The following TNRC6A variants were observed in gnomAD, a reference collection of about 807,000 sequenced individuals.
TNRC6A encodes trinucleotide repeat-containing gene 6A protein.
TNRC6A carries 44 observed loss-of-function variants against 221.2 expected under a neutral mutation model. The observed-to-expected ratio is 0.20, with a 90% CI of 0.16 to 0.26. The LOEUF (loss-of-function observed/expected upper bound fraction) is 0.26. Ranked by LOEUF, TNRC6A falls within the 10% of genes least tolerant of loss-of-function variation. The probability of loss-of-function intolerance (pLI) is 1.00; values close to 1 mark genes in which losing one functional copy is unlikely to be tolerated. For missense variants in TNRC6A, 2,199 were observed against 2,404.4 expected, an observed-to-expected ratio of 0.91 and a Z score of 1.79; for synonymous variants, 847 against 838.5, an observed-to-expected ratio of 1.01 and a Z score of -0.18.
rs190083127 is a variant in TNRC6A, at chr16:24,747,326, A to G, written c.54-3400A>G. 2.5e-3 allele frequency among the ~76,000 whole-genome samples: 377 copies of G among 152,354 alleles called. 2 individuals carry two copies. The highest frequency in any genetic ancestry group is 7.4e-3 in the African/African-American group (308 of 41,582). Reference sequence around the variant, plus strand: ...TTACAGGCCACCTCAAAGCCTTTATACATGAGATGCAGGACATAAGTCAAG... The same window carrying G: ...TTACAGGCCACCTCAAAGCCTTTATGCATGAGATGCAGGACATAAGTCAAG... On this transcript the variant is annotated intron_variant, in intron 2 of 24. Coordinates refer to ENST00000395799, the MANE Select transcript of TNRC6A (RefSeq NM_014494.4).
At chr16:24,788,269 C>T (rs985822581) in intron 5 of TNRC6A, among the ~76,000 whole-genome samples, 6 of 152,148 alleles carry the variant, frequency 3.9e-5, no homozygotes, top group African/African-American at 1.4e-4. Context: ...CTAACCATTA[C>T]TTTTCTGTTC....
chr16:24,679,518 C>G (rs1351963175), intron 2 of TNRC6A, among the ~76,000 whole-genome samples: 2 of 152,000 alleles, frequency 1.3e-5, no homozygotes, highest in Non-Finnish European at 2.9e-5. Context: ...GCTCTGTCGC[C>G]CAGGCTGGAG....
rs761977793 is a variant in TNRC6A at position 24,791,826 on chromosome 16, C to T, written c.3175+9C>T. 12 of 1,505,340 alleles carry T rather than the reference C, an allele frequency of 8.0e-6. No individual in the cohort carries two copies. The highest frequency in any genetic ancestry group is 2.7e-6 in the Non-Finnish European group (3 of 1,131,996). The allele number at this position is 1,505,340 out of a possible 1,614,324, so 93.2% of individuals were successfully genotyped here. ...GGCAAGCAGTGGCTCTGGTAAGTTT[C>T]TATTTTATGAAATCAAGCCTTGTTT... On this transcript the variant is annotated intron_variant, in intron 6 of 24. Transcript: ENST00000395799.
chr16:24,785,841 G>A (rs879541093), intron 5 of TNRC6A, among the ~76,000 whole-genome samples: 2 of 152,200 alleles, frequency 1.3e-5, no homozygotes, highest in African/African-American at 4.8e-5. Context: ...AAATACGTTT[G>A]TAGTAGTCCA....
At position 24,797,964 on chromosome 16, in the gene TNRC6A, G is replaced by A. The variant is rs2058254256; in HGVS notation, c.3692G>A (p.Gly1231Glu). Residue 1231 changes from glycine (G) to glutamate (E), a missense_variant and splice_region_variant, in exon 11 of 25, where the codon GGA (glycine) becomes GAA (glutamate). Coordinates refer to ENST00000395799, the MANE Select transcript of TNRC6A (RefSeq NM_014494.4). Reference protein sequence around the residue: ...NVQSNKMDLSGGMLQDKRMEI... With the variant: ...NVQSNKMDLSEGMLQDKRMEI... ...CAAAGCAATAAGATGGACCTTTCTG[G>A]AGGTAAGAGAAAATTAAATCTGTTT... The A allele has an allele frequency of 1.2e-6, 2 of 1,609,860 alleles. No individual in the cohort carries two copies. The highest frequency in any genetic ancestry group is 1.3e-5 in the African/African-American group (1 of 74,818).
chr16:24,753,179 C>G (rs2057174366), intron 3 of TNRC6A, among the ~76,000 whole-genome samples: 1 of 152,152 alleles, frequency 6.6e-6, no homozygotes, highest in Non-Finnish European at 1.5e-5. Context: ...GACTTCTCAC[C>G]AAATCTGAAG....
At chr16:24,648,565 C>T (rs559997368) in intron 2 of TNRC6A, among the ~76,000 whole-genome samples, 30 of 152,228 alleles carry the variant, frequency 2.0e-4, no homozygotes, top group Non-Finnish European at 3.2e-4. Context: ...CCACCGCGCC[C>T]GGCCCACAGC....
intron 1 of TNRC6A, among the ~76,000 whole-genome samples, chr16:24,625,161 A>G (rs1001722711): frequency 6.6e-6 from 1 of 152,204 alleles, no homozygotes; most frequent in Non-Finnish European, 1.5e-5. Context: ...TGAACCCCTC[A>G]TTTTAGGCCC....
chr16:24,780,511 T>G (rs2057818137), intron 5 of TNRC6A, among the ~76,000 whole-genome samples: 1 of 152,234 alleles, frequency 6.6e-6, no homozygotes, highest in Admixed American at 6.5e-5. Flanking sequence ...GCTTGTTTGT[T>G]CACAGTATGT....
At chr16:24,723,799 T>C (rs1567389272) in intron 2 of TNRC6A, among the ~76,000 whole-genome samples, 1 of 152,168 alleles carries the variant, frequency 6.6e-6, no homozygotes, top group African/African-American at 2.4e-5. Context: ...GAGACAACTG[T>C]TTCTATTTGT....
intron 1 of TNRC6A, chr16:24,640,844 T>A (rs1901915589): frequency 6.6e-6 from 1 of 152,128 alleles, no homozygotes; most frequent in Non-Finnish European, 1.5e-5. Flanking sequence ...AAGTAAAAAG[T>A]GGAGAATCAC....
chr16:24,765,017 T>C (rs921577332), intron 4 of TNRC6A, among the ~76,000 whole-genome samples: 1 of 152,022 alleles, frequency 6.6e-6, no homozygotes, highest in African/African-American at 2.4e-5. Context: ...TTCTCGCCTA[T>C]TTTTGTACTG....
intron 2 of TNRC6A, among the ~76,000 whole-genome samples, chr16:24,749,044 T>A (rs1397623919): frequency 6.6e-6 from 1 of 152,150 alleles, no homozygotes; most frequent in Non-Finnish European, 1.5e-5. Context: ...CCCTGCCTGA[T>A]ATTCTTAGTG....
intron 1 of TNRC6A, among the ~76,000 whole-genome samples, chr16:24,618,635 T>A (rs1189161909): frequency 6.7e-6 from 1 of 148,216 alleles, no homozygotes; most frequent in Non-Finnish European, 1.5e-5. Context: ...TACTTTCCAT[T>A]TCATGAATTT....
intron 2 of TNRC6A, among the ~76,000 whole-genome samples, chr16:24,721,713 G>A (rs1413026401): frequency 6.6e-6 from 1 of 152,124 alleles, no homozygotes; most frequent in Admixed American, 6.5e-5. Context: ...AGGCTGAGGT[G>A]GGAAGATGGC....
chr16:24,710,915 G>T (rs535365801), intron 2 of TNRC6A, among the ~76,000 whole-genome samples: 1 of 149,040 alleles, frequency 6.7e-6, no homozygotes, highest in African/African-American at 2.5e-5. Flanking sequence ...TCGCTCTGCC[G>T]CCCAGGCTGG....
chr16:24,665,672 C>T (rs1024312381), intron 2 of TNRC6A, among the ~76,000 whole-genome samples: 1 of 152,128 alleles, frequency 6.6e-6, no homozygotes, highest in Admixed American at 6.6e-5. Context: ...CTGGCCTTTA[C>T]CCCACTATAG....
intron 1 of TNRC6A, among the ~76,000 whole-genome samples, chr16:24,613,115 C>CAA (rs553122873): frequency 3.0e-3 from 164 of 55,200 alleles, no homozygotes; most frequent in Middle Eastern, 8.1e-3. Flanking sequence ...GACTCTGTCT[C>CAA]AAAAAAAAAA....
intron 12 of TNRC6A, 39 bp from the exon 13 acceptor site, chr16:24,804,666 C>CT: frequency 1.3e-6 from 2 of 1,541,260 alleles, no homozygotes; most frequent in Non-Finnish European, 1.7e-6. Context: ...CACTTGTTTG[C>CT]TTGGCTGGTG....
Sources: gnomAD v4.1 joint callset for allele counts (sites outside exome capture counted in the v4.1 genomes callset) on GRCh38, gnomAD v4.1.1 for gene constraint, MANE v1.5 for transcripts, NCBI Gene and HGNC (gene_info 2026-07-23, HGNC 2026-07-21) for gene names.